The following LETMD1 variants were observed in gnomAD, a reference collection of about 807,000 sequenced individuals.
The protein encoded by LETMD1 is LETM1 domain-containing protein 1.
A neutral mutation model predicts 43.9 loss-of-function variants in LETMD1; 30 were observed. That is an observed-to-expected ratio of 0.68 (90% confidence interval 0.51 to 0.93). The LOEUF (loss-of-function observed/expected upper bound fraction) is 0.93. LETMD1 is among the 40% of genes least tolerant of loss of function. The probability of loss-of-function intolerance (pLI) is 0.00; values close to 1 mark genes in which losing one functional copy is unlikely to be tolerated. For synonymous variants in LETMD1, 176 were observed against 163.1 expected, an observed-to-expected ratio of 1.08 and a Z score of -0.60; for missense variants, 413 against 447.7, an observed-to-expected ratio of 0.92 and a Z score of 0.70.
intron 1 of LETMD1, 30 bp from the exon 2 acceptor site, chr12:51,049,004 C>G (rs1335612655): frequency 6.2e-7 from 1 of 1,603,986 alleles, no homozygotes; most frequent in Non-Finnish European, 8.5e-7. Flanking sequence ...AGGACTGATT[C>G]CCAGATAGTC....
At chr12:51,066,832 C>T in the LETMD1 span, among the ~76,000 whole-genome samples, 1 of 152,090 alleles carries the variant, frequency 6.6e-6, no homozygotes, top group Admixed American at 6.5e-5. Context: ...CACCATTCCT[C>T]TGCTAACTTT....
chr12:51,059,132 C>G, intron 8 of LETMD1: 1 of 508,726 alleles, frequency 2.0e-6, no homozygotes, highest in South Asian at 2.1e-5. Flanking sequence ...TCTGAATTTT[C>G]TACTGCAATC....
At chr12:51,055,354 C>T (rs913214472) in intron 4 of LETMD1, among the ~76,000 whole-genome samples, 7 of 151,936 alleles carry the variant, frequency 4.6e-5, no homozygotes, top group Non-Finnish European at 8.8e-5. Flanking sequence ...GTCTTATAAA[C>T]TTTGGTCTGA....
chr12:51,056,835 G>A (rs899869931), intron 7 of LETMD1: 2 of 203,638 alleles, frequency 9.8e-6, no homozygotes, highest in Non-Finnish European at 2.0e-5. Flanking sequence ...TGTATTTTTA[G>A]TAGAGATGGT....
Position 51,059,401 on chromosome 12 carries a change from C to G in LETMD1, c.1053C>G (p.Leu351=), listed in dbSNP as rs1432566727. 2 of 1,614,116 alleles carry G rather than the reference C, an allele frequency of 1.2e-6. No individual in the cohort carries two copies. Among genetic ancestry groups the G allele is most frequent in the African/African-American group, 2.7e-5 (2 of 74,944 alleles). ...TCTTGCTGCACAACGTGGTCCTGCT[C>G]TCCACCAACTACCTTGGGACAAGGC... The part of the protein sequence containing the change: ...LSLLLHNVVL[L]STNYLGTRR Residue 351 remains leucine (L), a synonymous_variant, in exon 9 of 9, where the codon CTC becomes CTG. Transcript: ENST00000262055.
intron 2 of LETMD1, among the ~76,000 whole-genome samples, chr12:51,050,739 C>T (rs111932697): frequency 5.3e-5 from 8 of 151,896 alleles, no homozygotes; most frequent in African/African-American, 1.7e-4. Flanking sequence ...AGAAGCCGGG[C>T]GCGGTGGCTC....
At chr12:51,051,290 G>C (rs760809600) in intron 2 of LETMD1, among the ~76,000 whole-genome samples, 1 of 151,998 alleles carries the variant, frequency 6.6e-6, no homozygotes, top group African/African-American at 2.4e-5. Context: ...TATAATCCCA[G>C]CTACTCGGAA....
At position 51,058,016 on chromosome 12, in the gene LETMD1, G is replaced by C. The variant is rs745852954; in HGVS notation, c.916-16G>C. 47 of 1,518,142 alleles carry C rather than the reference G, an allele frequency of 3.1e-5. No homozygotes were observed. The highest frequency in any genetic ancestry group is 3.8e-5 in the Non-Finnish European group (41 of 1,092,352). 94.0% of individuals were successfully genotyped at this position (1,518,142 alleles called of 1,614,324 possible). ...TCTATGATTATTAAGGACCATTTCT[G>C]TTCTGAGTGGTATAGGCTTGTTATC... On this transcript the variant is annotated splice_polypyrimidine_tract_variant and intron_variant, in intron 7 of 8. Coordinates refer to ENST00000262055, the MANE Select transcript of LETMD1 (RefSeq NM_015416.5).
At position 51,059,093 on chromosome 12, in the gene LETMD1, C is replaced by T. The variant is rs537033055; in HGVS notation, c.1013-268C>T. On this transcript the variant is annotated intron_variant, in intron 8 of 8. Coordinates refer to ENST00000262055, the MANE Select transcript of LETMD1 (RefSeq NM_015416.5). ...CCAACTTCTACCAGAAGAATCCCAA[C>T]GCGACTGGTGTTTAGTACCATTACC... 5.8e-5 allele frequency: 24 copies of T among 417,328 alleles called. 1 individual carries two copies. The highest frequency in any genetic ancestry group is 3.9e-4 in the South Asian group (16 of 40,582). 25.9% of individuals were successfully genotyped at this position (417,328 alleles called of 1,614,324 possible). A position where few individuals can be genotyped will look rare whatever the true frequency, so the allele number is the denominator to read the frequency against.
intron 8 of LETMD1, 88 bp from the exon 9 acceptor site, chr12:51,059,273 G>C: frequency 8.6e-7 from 1 of 1,159,982 alleles, no homozygotes; most frequent in South Asian, 1.3e-5. Flanking sequence ...CCCTGCACTT[G>C]GCTTCCTGCC....
intron 4 of LETMD1, among the ~76,000 whole-genome samples, chr12:51,054,704 A>G (rs971717285): frequency 1.3e-5 from 2 of 152,208 alleles, no homozygotes; most frequent in Admixed American, 1.3e-4. Context: ...GTCACCTAGA[A>G]TGAAAAAAGG....
downstream of LETMD1, chr12:51,061,337 ACTAC>A (rs953105589): frequency 9.2e-5 from 14 of 152,792 alleles, no homozygotes; most frequent in African/African-American, 3.1e-4. Context: ...CATTGAAAAT[ACTAC>A]CTGTGTACAG....
At chr12:51,061,568 A>ATGTT (rs777834044), downstream of LETMD1, 1 of 152,638 alleles carries the variant, frequency 6.6e-6, no homozygotes, top group African/African-American at 2.4e-5. Context: ...TTAATGCTAA[A>ATGTT]TGTTAATATT....
intron 2 of LETMD1, among the ~76,000 whole-genome samples, chr12:51,051,602 G>T (rs1214310094): frequency 6.6e-6 from 1 of 150,916 alleles, no homozygotes; most frequent in Admixed American, 6.6e-5. Flanking sequence ...AGCTACTTGG[G>T]ATTCTGAGGT....
downstream of LETMD1, among the ~76,000 whole-genome samples, chr12:51,060,834 G>A (rs181411376): frequency 2.8e-4 from 42 of 151,034 alleles, no homozygotes; most frequent in East Asian, 7.2e-3. Flanking sequence ...CCCGGGAGGC[G>A]GAGCTTGCAG....
chr12:51,064,049 GAA>G (rs1175282119), downstream of LETMD1: 1 of 1,614,114 alleles, frequency 6.2e-7, no homozygotes, highest in African/African-American at 1.3e-5. Flanking sequence ...TCTCCTTTGG[GAA>G]AGAGGCTGAG....
intron 7 of LETMD1, chr12:51,056,826 G>A (rs1947874476): frequency 4.8e-6 from 1 of 208,584 alleles, no homozygotes; most frequent in Non-Finnish European, 9.6e-6. Flanking sequence ...CTAATTTTTT[G>A]TATTTTTAGT....
rs1211898319 is a variant in LETMD1, at chr12:51,049,143, C to G, written c.232C>G (p.His78Asp). The G allele has an allele frequency of 6.2e-7, 1 of 1,613,794 alleles. No homozygotes were observed. Among genetic ancestry groups the G allele is most frequent in the Non-Finnish European group, 8.5e-7 (1 of 1,179,818 alleles). ...NGKYHRFLGR[H>D]FPRFYVLYTI... ...GAAATACCATCGTTTCTTGGGTCGT[C>G]ATTTCCCCCGCTTCTATGTCCTGTA... is the stretch of plus-strand genomic sequence containing the variant. Residue 78 changes from histidine to aspartate, a missense_variant, in exon 2 of 9, where the codon CAT becomes GAT. Coordinates refer to ENST00000262055, the MANE Select transcript of LETMD1 (RefSeq NM_015416.5).
intron 4 of LETMD1, among the ~76,000 whole-genome samples, chr12:51,054,367 T>TGG (rs1947023836): frequency 2.0e-5 from 3 of 152,202 alleles, no homozygotes; most frequent in Non-Finnish European, 4.4e-5. Context: ...ATTAGGGCAG[T>TGG]GCTCAGGTGG....
Sources: gnomAD v4.1 joint callset for allele counts (sites outside exome capture counted in the v4.1 genomes callset) on GRCh38, gnomAD v4.1.1 for gene constraint, MANE v1.5 for transcripts, NCBI Gene and HGNC (gene_info 2026-07-23, HGNC 2026-07-21) for gene names.